The following CDH13 variants were observed in gnomAD, a reference collection of about 807,000 sequenced individuals.
CDH13 encodes the protein cadherin 13, also known as cadherin-13.
CDH13 carries 24 observed loss-of-function variants against 63.8 expected under a neutral mutation model. That is an observed-to-expected ratio of 0.38 (90% CI 0.27 to 0.53). The LOEUF (loss-of-function observed/expected upper bound fraction) is 0.53. Ranked by LOEUF, CDH13 falls within the 20% of genes least tolerant of loss-of-function variation. The pLI, the probability that CDH13 is intolerant of heterozygous loss-of-function variation, is 0.85. For missense variants in CDH13, 1,049 were observed against 903.1 expected (o/e 1.16, Z -2.07); for synonymous variants, 503 against 355.3 (o/e 1.42, Z -4.67).
At chr16:83,528,756 A>C (rs1388444881) in intron 7 of CDH13, among the ~76,000 whole-genome samples, 1 of 152,152 alleles carries the variant, frequency 6.6e-6, no homozygotes, top group Non-Finnish European at 1.5e-5. Flanking sequence ...TGCTGAACAC[A>C]GTGTTGTTTT....
chr16:82,896,643 G>C (rs752271482), intron 2 of CDH13, among the ~76,000 whole-genome samples: 1 of 151,908 alleles, frequency 6.6e-6, no homozygotes, highest in African/African-American at 2.4e-5. Flanking sequence ...ATATACCTGG[G>C]AGATCAAATG....
At chr16:83,627,681 G>A (rs781677789) in intron 8 of CDH13, among the ~76,000 whole-genome samples, 3 of 152,116 alleles carry the variant, frequency 2.0e-5, no homozygotes, top group Non-Finnish European at 4.4e-5. Flanking sequence ...CCCCCAAGTA[G>A]CTGGGGTTAT....
chr16:83,701,257 T>C (rs993529064), intron 10 of CDH13, among the ~76,000 whole-genome samples: 1 of 152,266 alleles, frequency 6.6e-6, no homozygotes, highest in Non-Finnish European at 1.5e-5. Flanking sequence ...TCAGGATGTT[T>C]AGGAACAGAA....
intron 6 of CDH13, among the ~76,000 whole-genome samples, chr16:83,392,200 C>T (rs776807722): frequency 1.3e-5 from 2 of 152,200 alleles, no homozygotes; most frequent in African/African-American, 4.8e-5. Context: ...CTCATAGCTT[C>T]GTGGCCCTGG....
intron 8 of CDH13, among the ~76,000 whole-genome samples, chr16:83,649,866 C>A (rs865939479): frequency 6.6e-6 from 1 of 152,166 alleles, no homozygotes; most frequent in African/African-American, 2.4e-5. Flanking sequence ...AAAAGGCGGG[C>A]CCAGGTTGTA....
At position 83,204,013 on chromosome 16, in the gene CDH13, A is replaced by C. The variant is rs77712408; in HGVS notation, c.484-13332A>C. On this transcript the variant is annotated intron_variant, in intron 4 of 13. Transcript: ENST00000567109. ...AGGAAACGGGCAACCCACTGGATACACATAAATCTGGAAATCGAGACTTTG... is the reference window on the plus strand; with the variant it reads ...AGGAAACGGGCAACCCACTGGATACCCATAAATCTGGAAATCGAGACTTTG... Among the ~76,000 whole-genome samples, 21 of 152,364 alleles carry C rather than the reference A, an allele frequency of 1.4e-4. No homozygotes were observed. The East Asian group carries it at 3.7e-3, about 27-fold the overall frequency.
intron 4 of CDH13, among the ~76,000 whole-genome samples, chr16:83,139,067 T>C (rs551983025): frequency 3.3e-5 from 5 of 152,266 alleles, no homozygotes; most frequent in Non-Finnish European, 7.4e-5. Flanking sequence ...CACCTCCCCG[T>C]AGTTTGCTCT....
intron 7 of CDH13, among the ~76,000 whole-genome samples, chr16:83,515,058 G>T (rs2074669994): frequency 6.6e-6 from 1 of 152,090 alleles, no homozygotes; most frequent in Non-Finnish European, 1.5e-5. Context: ...CAGCTTCGGG[G>T]GTAGGAATCT....
intron 3 of CDH13, among the ~76,000 whole-genome samples, chr16:83,116,175 C>T (rs886978875): frequency 5.3e-5 from 8 of 152,346 alleles, no homozygotes; most frequent in Middle Eastern, 3.4e-3. Flanking sequence ...AGCACTTCTT[C>T]GCTTTTGGGA....
At chr16:83,550,835 T>G (rs1213914454) in intron 7 of CDH13, among the ~76,000 whole-genome samples, 1 of 152,078 alleles carries the variant, frequency 6.6e-6, no homozygotes, top group African/African-American at 2.4e-5. Context: ...GAATTCTACT[T>G]TTTCACTGAC....
rs1027669987 is a variant in CDH13, at chr16:83,497,024, A to C, written c.960+10369A>C. On this transcript the variant is annotated intron_variant, in intron 7 of 13. Transcript: ENST00000567109. ...TGTCAGGAAACAACAGGTGCTGGAG[A>C]GGATGTGGAGAAATAGGAACGCTTT... Among the ~76,000 whole-genome samples, 128 of 152,350 alleles carry C rather than the reference A, an allele frequency of 8.4e-4. 3 individuals carry two copies. Among genetic ancestry groups the C allele is most frequent in the Middle Eastern group, 3.4e-3 (1 of 294 alleles).
chr16:82,834,105 T>C (rs1597741357), intron 1 of CDH13, among the ~76,000 whole-genome samples: 2 of 152,332 alleles, frequency 1.3e-5, no homozygotes. Context: ...TTGTATTTTT[T>C]ATATTAATAA....
chr16:82,772,321 G>C (rs147028608), intron 1 of CDH13, among the ~76,000 whole-genome samples: 1 of 152,094 alleles, frequency 6.6e-6, no homozygotes, highest in Non-Finnish European at 1.5e-5. Context: ...CTGGGGGTCC[G>C]TGTGCACTAA....
chr16:82,693,487 A>G (rs1300775027), intron 1 of CDH13, among the ~76,000 whole-genome samples: 2 of 152,292 alleles, frequency 1.3e-5, no homozygotes, highest in East Asian at 3.9e-4. Flanking sequence ...AGGTCTAAAC[A>G]CTTGAGCTCT....
chr16:83,650,564 T>C (rs1912276209), intron 8 of CDH13, among the ~76,000 whole-genome samples: 1 of 152,156 alleles, frequency 6.6e-6, no homozygotes, highest in Non-Finnish European at 1.5e-5. Flanking sequence ...CACACCCCGC[T>C]GGGACACCCA....
intron 3 of CDH13, among the ~76,000 whole-genome samples, chr16:83,069,617 A>G (rs1321884302): frequency 3.9e-5 from 6 of 152,150 alleles, no homozygotes; most frequent in South Asian, 2.1e-4. Flanking sequence ...AATCTTATCT[A>G]CTATGCCATG....
chr16:83,235,979 T>A (rs916797224), intron 5 of CDH13, among the ~76,000 whole-genome samples: 1 of 152,216 alleles, frequency 6.6e-6, no homozygotes, highest in African/African-American at 2.4e-5. Context: ...TTGAAACTCA[T>A]GATGCTTTAT....
At chr16:82,939,230 C>T (rs1398805864) in intron 2 of CDH13, among the ~76,000 whole-genome samples, 1 of 152,108 alleles carries the variant, frequency 6.6e-6, no homozygotes, top group African/African-American at 2.4e-5. Flanking sequence ...TTGAGATCAG[C>T]CTGGGCAACA....
At chr16:82,839,938 G>C (rs1487643135) in intron 1 of CDH13, among the ~76,000 whole-genome samples, 1 of 152,130 alleles carries the variant, frequency 6.6e-6, no homozygotes, top group East Asian at 1.9e-4. Flanking sequence ...CATTAATCCA[G>C]CTTGGGTTGA....
Sources: allele counts gnomAD v4.1 joint callset (sites outside exome capture counted in the v4.1 genomes callset), GRCh38; gene constraint gnomAD v4.1.1; transcripts MANE v1.5; gene names NCBI Gene and HGNC (gene_info 2026-07-23, HGNC 2026-07-21).